Variants in RAPGEF2 observed in about 807,000 individuals in gnomAD.
The protein encoded by RAPGEF2 is Rap guanine nucleotide exchange factor 2, also known as PDZ domain containing guanine nucleotide exchange factor (GEF) 1.
In RAPGEF2, 54 loss-of-function variants were observed where a neutral mutation model predicts 186.7. The observed-to-expected ratio is 0.29, with a 90% CI of 0.23 to 0.36. The LOEUF is 0.36. Among genes scored for constraint, RAPGEF2 ranks in the 10% least tolerant of loss-of-function variants. The pLI is 1.00. For missense variants in RAPGEF2, 1,532 were observed against 2,045.0 expected, an observed-to-expected ratio of 0.75 and a Z score of 4.84; for synonymous variants, 712 against 705.9, an observed-to-expected ratio of 1.01 and a Z score of -0.14.
At chr4:159,125,413 A>G (rs11721955) in intron 1 of RAPGEF2, among the ~76,000 whole-genome samples, 38,160 of 152,004 alleles carry the variant, frequency 0.25, 5,107 homozygotes, top group Non-Finnish European at 0.31. Flanking sequence ...GTAATGTGCT[A>G]TGGAGTTTTT....
At chr4:159,277,187 C>T (rs995913820) in intron 7 of RAPGEF2, among the ~76,000 whole-genome samples, 5 of 151,244 alleles carry the variant, frequency 3.3e-5, no homozygotes, top group Non-Finnish European at 7.4e-5. Flanking sequence ...GGTTTTCTGT[C>T]CTTGTGATAG....
intron 1 of RAPGEF2, among the ~76,000 whole-genome samples, chr4:159,170,476 C>T (rs988040060): frequency 2.6e-5 from 4 of 152,120 alleles, no homozygotes; most frequent in African/African-American, 9.7e-5. Context: ...ACCAACTATT[C>T]ACATAGTATT....
chr4:159,214,795 C>G (rs1310118063), intron 4 of RAPGEF2, among the ~76,000 whole-genome samples: 7 of 152,104 alleles, frequency 4.6e-5, no homozygotes, highest in Admixed American at 4.6e-4. Context: ...GAGTTAGAGT[C>G]TTTTTCTACT....
intron 7 of RAPGEF2, among the ~76,000 whole-genome samples, chr4:159,279,092 A>T (rs907214798): frequency 1.3e-5 from 2 of 152,186 alleles, no homozygotes; most frequent in African/African-American, 4.8e-5. Context: ...AACAGTAATG[A>T]TATCATTAGT....
At chr4:159,174,760 CT>C (rs1043918425) in intron 1 of RAPGEF2, among the ~76,000 whole-genome samples, 175 of 44,046 alleles carry the variant, frequency 4.0e-3, no homozygotes, top group Non-Finnish European at 3.9e-3. Context: ...TTCTTTCTTT[CT>C]TTTTTTTTTT....
intron 7 of RAPGEF2, among the ~76,000 whole-genome samples, chr4:159,289,066 T>A (rs11732916): frequency 1.3e-5 from 2 of 152,166 alleles, no homozygotes; most frequent in Non-Finnish European, 2.9e-5. Context: ...TTTTTTAAAA[T>A]TTTTTATTGT....
At position 159,329,888 on chromosome 4, in the gene RAPGEF2, C is replaced by T. The variant is rs372420283; in HGVS notation, c.1180C>T (p.Arg394Cys). ...CTGCATAGCCCAGCAAGATTACTGC[C>T]GTATTCTCAATCAAGTAGAAAAGAA... is the stretch of plus-strand genomic sequence containing the variant. ...FVCIAQQDYC[R>C]ILNQVEKNMQ... is the part of the protein sequence containing the mutation. The change falls in exon 12 of 30, where the codon CGT becomes TGT. Residue 394 changes from arginine to cysteine, a missense_variant. Arg to Cys is a radical substitution (Grantham distance 180). Coordinates refer to ENST00000691494, the MANE Select transcript of RAPGEF2 (RefSeq NM_001394067.2). 19 of 1,612,230 alleles carry T rather than the reference C, an allele frequency of 1.2e-5. 1 individual carries two copies. Among genetic ancestry groups the T allele is most frequent in the East Asian group, 6.7e-5 (3 of 44,826 alleles).
intron 1 of RAPGEF2, among the ~76,000 whole-genome samples, chr4:159,167,933 A>G (rs1745499973): frequency 6.6e-6 from 1 of 152,238 alleles, no homozygotes; most frequent in Non-Finnish European, 1.5e-5. Context: ...TGATTTACTA[A>G]CATTTTTCTA....
chr4:159,193,293 T>TC, intron 3 of RAPGEF2, 37 bp downstream of exon 3: 1 of 1,311,222 alleles, frequency 7.6e-7, no homozygotes, highest in Non-Finnish European at 1.0e-6. Context: ...ATGTATCTAA[T>TC]CCAGTGACTA....
At chr4:159,208,496 A>C (rs1579467087) in intron 3 of RAPGEF2, among the ~76,000 whole-genome samples, 1 of 152,124 alleles carries the variant, frequency 6.6e-6, no homozygotes, top group Non-Finnish European at 1.5e-5. Flanking sequence ...TGGACCTGTC[A>C]CCCTAGAATA....
intron 7 of RAPGEF2, among the ~76,000 whole-genome samples, chr4:159,249,707 T>TA (rs1268722617): frequency 3.9e-5 from 6 of 152,106 alleles, no homozygotes; most frequent in African/African-American, 1.2e-4. Context: ...AACTTTTTTT[T>TA]TAAAAACTGA....
intron 7 of RAPGEF2, among the ~76,000 whole-genome samples, chr4:159,250,170 C>T (rs561635528): frequency 6.6e-6 from 1 of 152,148 alleles, no homozygotes; most frequent in South Asian, 2.1e-4. Flanking sequence ...CCCCTTAAAT[C>T]TTCCTTTCTT....
chr4:159,235,851 A>AT (rs1046123482), intron 4 of RAPGEF2, among the ~76,000 whole-genome samples: 11 of 151,636 alleles, frequency 7.3e-5, no homozygotes, highest in Admixed American at 5.9e-4. Context: ...TCTAGCTAAC[A>AT]TTTTTTTTTC....
intron 1 of RAPGEF2, among the ~76,000 whole-genome samples, chr4:159,185,440 C>A (rs1282039691): frequency 6.6e-6 from 1 of 152,002 alleles, no homozygotes; most frequent in Non-Finnish European, 1.5e-5. Context: ...GATAAATGGG[C>A]AAATGAAATG....
intron 7 of RAPGEF2, among the ~76,000 whole-genome samples, chr4:159,283,877 G>A (rs139553994): frequency 1.7e-3 from 262 of 152,178 alleles, no homozygotes; most frequent in African/African-American, 5.8e-3. Context: ...TTAATGATGC[G>A]TCTTTACAGT....
At chr4:159,125,620 T>A (rs569112511) in intron 1 of RAPGEF2, among the ~76,000 whole-genome samples, 2 of 152,074 alleles carry the variant, frequency 1.3e-5, no homozygotes, top group Non-Finnish European at 2.9e-5. Context: ...TAGCCGGGCA[T>A]GGTGGCGAGC....
intron 3 of RAPGEF2, among the ~76,000 whole-genome samples, chr4:159,202,865 G>A (rs1327403979): frequency 6.6e-6 from 1 of 152,168 alleles, no homozygotes; most frequent in African/African-American, 2.4e-5. Flanking sequence ...GCCTCCTAAA[G>A]TGCTGGGATT....
At chr4:159,250,187 A>G (rs1755139188) in intron 7 of RAPGEF2, among the ~76,000 whole-genome samples, 1 of 152,192 alleles carries the variant, frequency 6.6e-6, no homozygotes, top group African/African-American at 2.4e-5. Context: ...TCTTTTAAGT[A>G]GAAGACAGAA....
intron 7 of RAPGEF2, among the ~76,000 whole-genome samples, chr4:159,295,720 A>AGTGT (rs71589223): frequency 0.047 from 6,299 of 134,422 alleles, 172 homozygotes; most frequent in Middle Eastern, 0.086. Flanking sequence ...AGAGTGTGTG[A>AGTGT]GTGTGTGTGT....
Sources: allele counts gnomAD v4.1 joint callset (sites outside exome capture counted in the v4.1 genomes callset), GRCh38; gene constraint gnomAD v4.1.1; transcripts MANE v1.5; gene names NCBI Gene and HGNC (gene_info 2026-07-23, HGNC 2026-07-21).